The following ACBD3 variants were observed in gnomAD, a reference collection of about 807,000 sequenced individuals.
ACBD3 encodes acyl-CoA binding domain containing 3.
ACBD3 carries 30 observed loss-of-function variants against 66.9 expected under a neutral mutation model. That is an observed-to-expected ratio of 0.45 (90% CI 0.34 to 0.61). The LOEUF (loss-of-function observed/expected upper bound fraction) is 0.61. Ranked by LOEUF, ACBD3 falls within the 20% of genes least tolerant of loss-of-function variation. The pLI, the probability that ACBD3 is intolerant of heterozygous loss-of-function variation, is 0.02. For synonymous variants in ACBD3, 278 were observed against 259.8 expected (o/e 1.07, Z -0.68); for missense variants, 544 against 664.5 (o/e 0.82, Z 1.99).
chr1:226,155,807 T>C (rs1659660563), intron 5 of ACBD3, among the ~76,000 whole-genome samples: 2 of 152,228 alleles, frequency 1.3e-5, no homozygotes, highest in African/African-American at 2.4e-5. Flanking sequence ...AGGATGCAAT[T>C]TGAGGTTAAA....
chr1:226,154,453 A>T, intron 6 of ACBD3, 194 bp downstream of exon 6: 2 of 450,882 alleles, frequency 4.4e-6, no homozygotes, highest in Non-Finnish European at 7.6e-6. Context: ...GTGTCCAAAG[A>T]CATCTGATTT....
intron 1 of ACBD3, among the ~76,000 whole-genome samples, chr1:226,178,869 G>A (rs998323027): frequency 1.3e-5 from 2 of 152,178 alleles, no homozygotes; most frequent in African/African-American, 2.4e-5. Flanking sequence ...TCCCAAAGCA[G>A]TCTAATCCAT....
chr1:226,147,295 CTCATTCAT>C (rs1243951693), intron 7 of ACBD3, among the ~76,000 whole-genome samples: 9 of 151,674 alleles, frequency 5.9e-5, no homozygotes, highest in African/African-American at 9.8e-5. Flanking sequence ...CATTCATTCA[CTCATTCAT>C]TCAAATACCT....
chr1:226,178,412 T>C (rs1170250493), intron 1 of ACBD3, among the ~76,000 whole-genome samples: 2 of 149,414 alleles, frequency 1.3e-5, no homozygotes, highest in Non-Finnish European at 3.0e-5. Flanking sequence ...CTACTAAAAG[T>C]ACAAAAAAAA....
chr1:226,176,198 C>T (rs1265098471), intron 1 of ACBD3, among the ~76,000 whole-genome samples: 3 of 152,056 alleles, frequency 2.0e-5, no homozygotes, highest in South Asian at 4.2e-4. Flanking sequence ...GAAGCCGAGG[C>T]GGGTGGATCA....
In ACBD3 at chr1:226,153,374, C is replaced by A. The variant is rs569771378; in HGVS notation, c.1091-755G>T. On this transcript the variant is annotated intron_variant, in intron 6 of 7. Coordinates refer to ENST00000366812, the MANE Select transcript of ACBD3 (RefSeq NM_022735.4). ...AACAGACAAGGAAGATCTCTGAAAC[C>A]AAATTTCTTATGAACCATACCACCA... Among the ~76,000 whole-genome samples, 35 of 152,300 alleles carry A rather than the reference C, an allele frequency of 2.3e-4. 1 individual carries two copies. Among genetic ancestry groups the A allele is most frequent in the African/African-American group, 7.7e-4 (32 of 41,568 alleles).
rs77434581 is a variant in ACBD3 at position 226,184,536 on chromosome 1, T to C, written c.286+1854A>G. On this transcript the variant is annotated intron_variant, in intron 1 of 7. Transcript: ENST00000366812. ...AAATAATCTGTTAGGTTAAGACCAC[T>C]GAATCTTAAATCTGAGACATCATAT... 9.7e-4 allele frequency among the ~76,000 whole-genome samples: 148 copies of C among 152,298 alleles called. 2 individuals are homozygous for C. The East Asian group carries it at 0.027, about 28-fold the overall frequency.
chr1:226,155,821 AT>A (rs2102777451), intron 5 of ACBD3, among the ~76,000 whole-genome samples: 1 of 152,364 alleles, frequency 6.6e-6, no homozygotes, highest in African/African-American at 2.4e-5. Flanking sequence ...GGTTAAAAAT[AT>A]TTTCTCAATG....
intron 1 of ACBD3, among the ~76,000 whole-genome samples, chr1:226,168,080 C>A (rs1279123347): frequency 6.6e-6 from 1 of 152,224 alleles, no homozygotes; most frequent in Non-Finnish European, 1.5e-5. Flanking sequence ...TTGAACCCTA[C>A]ATATATTATG....
At chr1:226,151,774 G>A (rs1352526759) in intron 7 of ACBD3, among the ~76,000 whole-genome samples, 1 of 152,154 alleles carries the variant, frequency 6.6e-6, no homozygotes, top group Non-Finnish European at 1.5e-5. Flanking sequence ...TTGGGAGGCC[G>A]AGGCGGGTGG....
At chr1:226,165,042 G>T in intron 2 of ACBD3, 113 bp from the exon 3 acceptor site, 1 of 1,147,722 alleles carries the variant, frequency 8.7e-7, no homozygotes, top group East Asian at 2.8e-5. Context: ...TGATTCTATT[G>T]GGAGCAAAAG....
At chr1:226,160,281 G>A (rs1043669479) in intron 4 of ACBD3, among the ~76,000 whole-genome samples, 4 of 148,034 alleles carry the variant, frequency 2.7e-5, no homozygotes, top group African/African-American at 7.6e-5. Context: ...TAGTAAAGAC[G>A]GTTTCACCAT....
chr1:226,164,083 C>A (rs1659820962), intron 3 of ACBD3, among the ~76,000 whole-genome samples: 1 of 131,134 alleles, frequency 7.6e-6, no homozygotes, highest in African/African-American at 2.9e-5. Context: ...TGCACTCCGG[C>A]CTGAGCAATA....
intron 1 of ACBD3, 127 bp from the exon 2 acceptor site, chr1:226,166,127 G>T: frequency 9.4e-7 from 1 of 1,068,842 alleles, no homozygotes; most frequent in Non-Finnish European, 1.3e-6. Flanking sequence ...AACACTAATA[G>T]TGAAATTTTT....
rs537410708 is a variant in ACBD3, at chr1:226,172,436, T to C, written c.287-6436A>G. On this transcript the variant is annotated intron_variant, in intron 1 of 7. Transcript: ENST00000366812. ...AGAATTGCTCTATCGCCAGCTGCAG[T>C]GGCATGCACCTGTAGTCCCACCTAC... 1.2e-4 allele frequency among the ~76,000 whole-genome samples: 19 copies of C among 152,296 alleles called. No homozygotes were observed. The South Asian group carries it at 3.7e-3, about 30-fold the overall frequency.
At chr1:226,160,715 T>C (rs1659755801) in intron 4 of ACBD3, among the ~76,000 whole-genome samples, 1 of 152,196 alleles carries the variant, frequency 6.6e-6, no homozygotes, top group Admixed American at 6.5e-5. Context: ...TACTTCCCAG[T>C]GTTTTATGGG....
intron 1 of ACBD3, among the ~76,000 whole-genome samples, chr1:226,169,376 T>C (rs1029890917): frequency 6.6e-6 from 1 of 151,830 alleles, no homozygotes; most frequent in African/African-American, 2.4e-5. Context: ...GCCTCCCGAG[T>C]AGCTGGGACT....
intron 1 of ACBD3, among the ~76,000 whole-genome samples, chr1:226,170,446 T>C (rs570807693): frequency 1.4e-4 from 21 of 150,974 alleles, no homozygotes; most frequent in Admixed American, 1.3e-4. Context: ...AGTGCTGAGA[T>C]TACAGACGTG....
At position 226,161,730 on chromosome 1, in the gene ACBD3, C is replaced by A; in HGVS notation, c.570-41G>T. The stretch of plus-strand genomic sequence containing the variant: ...AGAGAATGAACCCTATACGTTGAAT[C>A]CTGTTTAAAAATAAAACTTTAGCTC... On this transcript the variant is annotated intron_variant, in intron 3 of 7. Coordinates refer to ENST00000366812, the MANE Select transcript of ACBD3 (RefSeq NM_022735.4). 3 of 1,510,188 alleles carry A rather than the reference C, an allele frequency of 2.0e-6. No homozygotes were observed. The African/African-American group carries it at 4.3e-5, about 21-fold the overall frequency. 93.5% of individuals were successfully genotyped at this position (1,510,188 alleles called of 1,614,324 possible). A position where few individuals can be genotyped will look rare whatever the true frequency, so the allele number is the denominator to read the frequency against.
Sources: gnomAD v4.1 joint callset for allele counts (sites outside exome capture counted in the v4.1 genomes callset) on GRCh38, gnomAD v4.1.1 for gene constraint, MANE v1.5 for transcripts, NCBI Gene and HGNC (gene_info 2026-07-23, HGNC 2026-07-21) for gene names.